Variants in CAND2 observed in about 807,000 individuals in gnomAD.
CAND2 encodes the protein cullin-associated NEDD8-dissociated protein 2.
CAND2 carries 62 observed loss-of-function variants against 98.9 expected under a neutral mutation model. The observed-to-expected ratio is 0.63, with a 90% CI of 0.51 to 0.77. The LOEUF (loss-of-function observed/expected upper bound fraction) is 0.77. Ranked by LOEUF, CAND2 falls within the 30% of genes least tolerant of loss-of-function variation. The pLI, the probability that CAND2 is intolerant of heterozygous loss-of-function variation, is 0.00. For synonymous variants in CAND2, 770 were observed against 731.9 expected (o/e 1.05, Z -0.84); for missense variants, 1,501 against 1,655.2 (o/e 0.91, Z 1.62).
rs200069927 is a variant in CAND2, at chr3:12,816,790, C to T, written c.1858C>T (p.Arg620Cys). 37 of 1,613,500 alleles carry T rather than the reference C, an allele frequency of 2.3e-5. No homozygotes were observed. The highest frequency in any genetic ancestry group is 1.0e-4 in the Admixed American group (6 of 60,014). ...GCCCACGTTACTGCTCCTCCTGGAC[C>T]GCCTGCGGAATGAGATCACCCGGCT... is the stretch of plus-strand genomic sequence containing the variant. ...LEPTLLLLLD[R>C]LRNEITRLPA... Residue 620 changes from arginine (R) to cysteine (C), a missense_variant, in exon 10 of 15, where the codon CGC becomes TGC. Physicochemically the swap from Arg to Cys is radical, Grantham distance 180. Transcript: ENST00000456430.
intron 11 of CAND2, among the ~76,000 whole-genome samples, chr3:12,821,926 T>C (rs2061959703): frequency 1.3e-5 from 2 of 152,212 alleles, no homozygotes. Flanking sequence ...ACTCTTTTTT[T>C]CCTTTGGAAT....
At chr3:12,809,870 C>A in intron 4 of CAND2, 189 bp from the exon 5 acceptor site, 1 of 652,372 alleles carries the variant, frequency 1.5e-6, no homozygotes, top group Non-Finnish European at 2.3e-6. Flanking sequence ...TTTCTCTCTC[C>A]GCTTTCTCTC....
intron 1 of CAND2, among the ~76,000 whole-genome samples, chr3:12,799,451 A>G (rs1474846284): frequency 6.6e-6 from 1 of 152,164 alleles, no homozygotes; most frequent in Non-Finnish European, 1.5e-5. Flanking sequence ...CCATCCCTAC[A>G]CACATACACG....
intron 5 of CAND2, among the ~76,000 whole-genome samples, chr3:12,811,333 A>G (rs983763549): frequency 6.6e-6 from 1 of 152,126 alleles, no homozygotes; most frequent in Non-Finnish European, 1.5e-5. Context: ...CTAGGTCAGC[A>G]TGTCTCTTCT....
chr3:12,808,158 T>C, intron 3 of CAND2, 52 bp from the exon 4 acceptor site: 1 of 1,545,494 alleles, frequency 6.5e-7, no homozygotes, highest in Non-Finnish European at 8.7e-7. Context: ...TGGTGGAGGC[T>C]GCCTTTCCCC....
rs377443431 is a variant in CAND2 at position 12,816,963 on chromosome 3, C to T, written c.2031C>T (p.Asp677=). ...GACTGGCCACACTGGCAGCCCTGGACGCCCTGGCCCAGAGCCAGGGCCTCA... is the reference window on the plus strand; with the variant it reads ...GACTGGCCACACTGGCAGCCCTGGATGCCCTGGCCCAGAGCCAGGGCCTCA... ...ALRLATLAAL[D]ALAQSQGLSL... is the part of the protein sequence containing the mutation. Residue 677 remains aspartate, a synonymous_variant, in exon 10 of 15, where the codon GAC becomes GAT. Transcript: ENST00000456430. The T allele has an allele frequency of 5.0e-5, 81 of 1,613,060 alleles. No homozygotes were observed. The highest frequency in any genetic ancestry group is 4.9e-4 in the African/African-American group (37 of 74,908).
In CAND2 at chr3:12,813,327, C is replaced by G; in HGVS notation, c.945C>G (p.Asn315Lys). The G allele has an allele frequency of 1.2e-6, 2 of 1,614,178 alleles. No individual in the cohort carries two copies. The highest frequency in any genetic ancestry group is 1.7e-6 in the Non-Finnish European group (2 of 1,180,042). ...ACATAAAACACGACCCCAACTACAA[C>G]TACGACAGTGATGAGGATGAGGAGC... ...LQYIKHDPNY[N>K]YDSDEDEEQM... The change falls in exon 7 of 15, where the codon AAC becomes AAG. Residue 315 changes from asparagine (N) to lysine (K), a missense_variant. Asn to Lys is a moderately conservative substitution (Grantham distance 94). This residue lies in a region of CAND2 where 1,427 missense variants were observed against 1,545.3 expected (regional missense o/e 0.92). Transcript: ENST00000456430.
intron 13 of CAND2, among the ~76,000 whole-genome samples, chr3:12,829,685 T>G (rs750727587): frequency 1.2e-4 from 18 of 152,206 alleles, no homozygotes; most frequent in Non-Finnish European, 2.5e-4. Flanking sequence ...TCAGCCAGTA[T>G]TAAGTGAGTG....
At chr3:12,801,526 C>T (rs1229948003) in intron 1 of CAND2, among the ~76,000 whole-genome samples, 2 of 152,222 alleles carry the variant, frequency 1.3e-5, no homozygotes, top group South Asian at 2.1e-4. Flanking sequence ...AAAGTTGGCC[C>T]CAGCCTCAAC....
In CAND2 at chr3:12,817,111, G is replaced by A. The variant is rs375380250; in HGVS notation, c.2179G>A (p.Ala727Thr). The A allele has an allele frequency of 6.2e-7, 1 of 1,613,024 alleles. No individual in the cohort carries two copies. The highest frequency in any genetic ancestry group is 2.2e-5 in the East Asian group (1 of 44,884). The part of the protein sequence containing the change: ...FLATVTQAQP[A>T]SLVEVSGPVL... ...TGCCACAGTGACCCAGGCCCAGCCA[G>A]CCTCTTTGGTGGAGGTCAGTGGCCC... Residue 727 changes from alanine (A) to threonine (T), a missense_variant, in exon 10 of 15, where the codon GCC becomes ACC. This residue lies in a region of CAND2 where 1,427 missense variants were observed against 1,545.3 expected (regional missense o/e 0.92). Transcript: ENST00000456430.
intron 10 of CAND2, among the ~76,000 whole-genome samples, chr3:12,818,727 T>C (rs377672806): frequency 7.2e-5 from 11 of 152,346 alleles, no homozygotes; most frequent in Admixed American, 2.6e-4. Flanking sequence ...CAGTAATTAA[T>C]ACTGAGTAAA....
At chr3:12,821,420 C>T (rs1327691113) in intron 11 of CAND2, among the ~76,000 whole-genome samples, 1 of 152,004 alleles carries the variant, frequency 6.6e-6, no homozygotes, top group Non-Finnish European at 1.5e-5. Context: ...AAAAAAGGAA[C>T]GGTTGTGCTG....
chr3:12,797,147 C>G (rs1165081940), intron 1 of CAND2, among the ~76,000 whole-genome samples: 1 of 148,560 alleles, frequency 6.7e-6, no homozygotes, highest in Admixed American at 6.7e-5. Context: ...CTTCTTCCCC[C>G]GCAGCTGATG....
intron 4 of CAND2, 38 bp downstream of exon 4, chr3:12,808,371 TA>T: frequency 6.5e-7 from 1 of 1,548,774 alleles, no homozygotes; most frequent in Admixed American, 2.0e-5. Flanking sequence ...GAAGAGTGGG[TA>T]AAAGGGGACA....
Position 12,796,733 on chromosome 3 carries a change from G to C in CAND2, c.13G>C (p.Ala5Pro). ...GCGCGCAGCCACCATGAGCACCGCC[G>C]CCTTCCACATCTCCAGCCTCCTGGA... The part of the protein sequence containing the change: MSTA[A>P]FHISSLLEKM... The change falls in exon 1 of 15, where the codon GCC becomes CCC. Residue 5 changes from alanine (A) to proline (P), a missense_variant. Ala to Pro is a conservative substitution (Grantham distance 27). Around this residue, in one of 3 missense-constraint regions of CAND2, gnomAD observed 62 missense variants for 77.3 expected, o/e 0.80. Transcript: ENST00000456430. The C allele has an allele frequency of 1.3e-6, 2 of 1,587,108 alleles. No homozygotes were observed. Among genetic ancestry groups the C allele is most frequent in the Non-Finnish European group, 1.7e-6 (2 of 1,167,216 alleles).
intron 2 of CAND2, among the ~76,000 whole-genome samples, chr3:12,804,088 C>T (rs1349912119): frequency 6.6e-6 from 1 of 152,052 alleles, no homozygotes; most frequent in African/African-American, 2.4e-5. Flanking sequence ...CACTGCCTGC[C>T]ACCTCCAGCC....
rs973525918 is a variant in CAND2, at chr3:12,810,271, G to A, written c.704G>A (p.Arg235His). 5 of 1,507,934 alleles carry A rather than the reference G, an allele frequency of 3.3e-6. No homozygotes were observed. In the East Asian group the frequency reaches 1.1e-4, roughly 33 times the overall value. The allele number at this position is 1,507,934 out of a possible 1,614,324, so 93.4% of individuals were successfully genotyped here. ...GTGCCCACCAGCCCGACTGCCATCC[G>A]CACCCTGATCCAATGTTTGGGCAGC... ...PRVPTSPTAI[R>H]TLIQCLGSVG... The change falls in exon 5 of 15, where the codon CGC becomes CAC. Residue 235 changes from arginine (R) to histidine (H), a missense_variant. Arg to His is a conservative substitution (Grantham distance 29, BLOSUM62 0). Coordinates refer to ENST00000456430, the MANE Select transcript of CAND2 (RefSeq NM_001162499.2).
At chr3:12,822,675 C>A (rs1232617845) in intron 11 of CAND2, among the ~76,000 whole-genome samples, 1 of 152,124 alleles carries the variant, frequency 6.6e-6, no homozygotes, top group Non-Finnish European at 1.5e-5. Context: ...TCTCCTGCCC[C>A]AGTCCTGGAA....
At chr3:12,820,519 A>T (rs934663368) in intron 11 of CAND2, among the ~76,000 whole-genome samples, 3 of 152,204 alleles carry the variant, frequency 2.0e-5, no homozygotes, top group Non-Finnish European at 4.4e-5. Context: ...CTTCATCAAC[A>T]TATAGACTCT....
Sources: gnomAD v4.1 joint callset for allele counts (sites outside exome capture counted in the v4.1 genomes callset) on GRCh38, gnomAD v4.1.1 for gene constraint, gnomAD v4.1.1 regional missense constraint, MANE v1.5 for transcripts, NCBI Gene and HGNC (gene_info 2026-07-23, HGNC 2026-07-21) for gene names.